Variants in PTPRT observed in about 807,000 individuals in gnomAD.
The protein encoded by PTPRT is protein tyrosine phosphatase receptor type T.
Under a neutral mutation model 176.8 loss-of-function variants are expected in PTPRT, and 56 were observed. The ratio of observed to expected loss-of-function variants is 0.32; its 90% CI spans 0.26 to 0.40. The LOEUF (loss-of-function observed/expected upper bound fraction) is 0.40, where lower values mean the gene tolerates loss of function less well. Ranked by LOEUF, PTPRT falls within the 10% of genes least tolerant of loss-of-function variation. PTPRT has a pLI of 1.00. For missense variants in PTPRT, 1,540 were observed against 1,908.2 expected (o/e 0.81, Z 3.60); for synonymous variants, 783 against 739.0 (o/e 1.06, Z -0.96).
intron 1 of PTPRT, among the ~76,000 whole-genome samples, chr20:42,936,881 G>T (rs1354883576): frequency 6.6e-6 from 1 of 152,204 alleles, no homozygotes; most frequent in Admixed American, 6.5e-5. Flanking sequence ...TAAAGACCAA[G>T]AGTTCAGTTT....
intron 1 of PTPRT, among the ~76,000 whole-genome samples, chr20:43,027,362 G>A (rs909776422): frequency 7.2e-5 from 11 of 151,872 alleles, no homozygotes; most frequent in Non-Finnish European, 1.6e-4. Flanking sequence ...CATAATCCCA[G>A]CTACTTGGGA....
chr20:42,781,550 C>T (rs771435398), intron 3 of PTPRT, among the ~76,000 whole-genome samples: 1 of 152,132 alleles, frequency 6.6e-6, no homozygotes, highest in Non-Finnish European at 1.5e-5. Context: ...TATCTCCAAA[C>T]CCTCCCTTTT....
chr20:43,085,906 G>A (rs953522529), intron 1 of PTPRT, among the ~76,000 whole-genome samples: 1 of 152,092 alleles, frequency 6.6e-6, no homozygotes, highest in South Asian at 2.1e-4. Flanking sequence ...GATCCTAAGG[G>A]ACAAACACAC....
chr20:42,038,953 C>T, the PTPRT span, among the ~76,000 whole-genome samples: 1 of 152,148 alleles, frequency 6.6e-6, no homozygotes. Context: ...AAAGTTCTTC[C>T]AGCCCAAACT....
chr20:43,137,162 AG>A (rs1452758329), intron 1 of PTPRT, among the ~76,000 whole-genome samples: 2 of 152,146 alleles, frequency 1.3e-5, no homozygotes, highest in Non-Finnish European at 2.9e-5. Flanking sequence ...CCTGAGGAGA[AG>A]GGAAAACTGG....
intron 7 of PTPRT, among the ~76,000 whole-genome samples, chr20:42,559,105 T>G (rs1237815082): frequency 6.6e-6 from 1 of 152,190 alleles, no homozygotes; most frequent in Non-Finnish European, 1.5e-5. Flanking sequence ...TATTATGAAC[T>G]ATGGGTGATT....
chr20:42,599,042 G>A (rs1414531280), intron 7 of PTPRT, among the ~76,000 whole-genome samples: 1 of 152,166 alleles, frequency 6.6e-6, no homozygotes. Flanking sequence ...CTGGAGGCAG[G>A]GAGACAAGAT....
At chr20:42,644,177 G>C (rs1285769829) in intron 7 of PTPRT, among the ~76,000 whole-genome samples, 1 of 152,084 alleles carries the variant, frequency 6.6e-6, no homozygotes, top group Non-Finnish European at 1.5e-5. Context: ...TTACAGCCCT[G>C]TTCTCATCCA....
chr20:42,115,136 T>C, intron 22 of PTPRT, 63 bp downstream of exon 22: 3 of 1,222,366 alleles, frequency 2.5e-6, no homozygotes, highest in South Asian at 1.2e-5. Context: ...CCACATGTTC[T>C]GGATGAACAA....
At chr20:42,579,334 G>C (rs952136127) in intron 7 of PTPRT, among the ~76,000 whole-genome samples, 2 of 152,122 alleles carry the variant, frequency 1.3e-5, no homozygotes, top group Non-Finnish European at 2.9e-5. Context: ...TTGGTTCCAA[G>C]TCTTTGCTAT....
intron 14 of PTPRT, among the ~76,000 whole-genome samples, chr20:42,242,823 G>T (rs2056379578): frequency 6.6e-6 from 1 of 152,146 alleles, no homozygotes; most frequent in Non-Finnish European, 1.5e-5. Flanking sequence ...TCCACCTCAT[G>T]AACCATGGCT....
chr20:42,114,988 C>CATTG (rs1420136778), intron 22 of PTPRT, among the ~76,000 whole-genome samples: 1 of 152,092 alleles, frequency 6.6e-6, no homozygotes, highest in Non-Finnish European at 1.5e-5. Context: ...GTTGTTATTT[C>CATTG]ATTGATTTGC....
chr20:42,664,877 G>A (rs1300450300), intron 7 of PTPRT, among the ~76,000 whole-genome samples: 1 of 152,136 alleles, frequency 6.6e-6, no homozygotes, highest in Non-Finnish European at 1.5e-5. Flanking sequence ...ATGGTTTTGG[G>A]AAAACCGGGT....
intron 2 of PTPRT, among the ~76,000 whole-genome samples, chr20:42,799,097 A>C (rs2077493571): frequency 6.6e-6 from 1 of 152,102 alleles, no homozygotes; most frequent in South Asian, 2.1e-4. Context: ...AAGAAAGAAA[A>C]GAAGGAGAAA....
intron 16 of PTPRT, among the ~76,000 whole-genome samples, chr20:42,193,023 C>T (rs149898850): frequency 2.6e-5 from 4 of 152,280 alleles, no homozygotes; most frequent in East Asian, 3.9e-4. Flanking sequence ...CTCCTTCACT[C>T]GCCTTCATGG....
At chr20:42,965,759 TTTCAA>T (rs1982255681) in intron 1 of PTPRT, among the ~76,000 whole-genome samples, 1 of 152,188 alleles carries the variant, frequency 6.6e-6, no homozygotes, top group Non-Finnish European at 1.5e-5. Context: ...GTTGATTTTC[TTTCAA>T]TTCATCTATA....
intron 2 of PTPRT, among the ~76,000 whole-genome samples, chr20:42,854,221 C>T (rs1044039679): frequency 1.3e-5 from 2 of 152,074 alleles, no homozygotes; most frequent in Admixed American, 6.6e-5. Context: ...TTCATTCATT[C>T]GTTCATTTGG....
intron 16 of PTPRT, among the ~76,000 whole-genome samples, chr20:42,194,348 G>C (rs1444040649): frequency 2.0e-5 from 3 of 152,150 alleles, no homozygotes; most frequent in Non-Finnish European, 4.4e-5. Flanking sequence ...CCTTAGAGAA[G>C]GACTGCCTTT....
intron 2 of PTPRT, among the ~76,000 whole-genome samples, chr20:42,881,841 T>C (rs1402075702): frequency 6.6e-6 from 1 of 150,920 alleles, no homozygotes; most frequent in Non-Finnish European, 1.5e-5. Context: ...AGGAACAATA[T>C]GTGCAAAGGA....
Sources: allele counts gnomAD v4.1 joint callset (sites outside exome capture counted in the v4.1 genomes callset), GRCh38; gene constraint gnomAD v4.1.1; transcripts MANE v1.5; gene names NCBI Gene and HGNC (gene_info 2026-07-23, HGNC 2026-07-21).